SYN3: variants seen among roughly 807,000 people sequenced by gnomAD.
The protein encoded by SYN3 is synapsin III.
A neutral mutation model predicts 65.8 loss-of-function variants in SYN3; 35 were observed. That is an observed-to-expected ratio of 0.53 (90% CI 0.41 to 0.70). SYN3 has a LOEUF of 0.70. SYN3 is among the 30% of genes least tolerant of loss of function. SYN3 has a pLI of 0.00. For missense variants in SYN3, 680 were observed against 749.0 expected (o/e 0.91, Z 1.08); for synonymous variants, 270 against 292.9 (o/e 0.92, Z 0.80).
Position 32,692,676 on chromosome 22 carries a change from C to T in SYN3, c.712-95940G>A, listed in dbSNP as rs868286960. ...TTTAAAGTTCAGCTCATGTGTCACT[C>T]GCTCTTCTGAAGCCTTTTCTAGCTT... On this transcript the variant is annotated intron_variant, in intron 6 of 13. Coordinates refer to ENST00000358763, the MANE Select transcript of SYN3 (RefSeq NM_003490.4). 9.3e-3 allele frequency among the ~76,000 whole-genome samples: 1,416 copies of T among 152,232 alleles called. 25 individuals carry two copies. The highest frequency in any genetic ancestry group is 0.033 in the African/African-American group (1,355 of 41,522).
chr22:32,921,621 A>C lies in SYN3; in HGVS notation c.461+9769T>G, dbSNP rs76843810. ...AATCCAAGTGGTGCTACTTTCTAAAAGTGTGATCTGGGGCAATGAAATCAA... is the reference window on the plus strand; with the variant it reads ...AATCCAAGTGGTGCTACTTTCTAAACGTGTGATCTGGGGCAATGAAATCAA... On this transcript the variant is annotated intron_variant, in intron 4 of 13. Coordinates refer to ENST00000358763, the MANE Select transcript of SYN3 (RefSeq NM_003490.4). Among the ~76,000 whole-genome samples the C allele has an allele frequency of 8.0e-3, 1,219 of 152,292 alleles. 6 individuals are homozygous for C. Among genetic ancestry groups the C allele is most frequent in the East Asian group, 0.025 (128 of 5,184 alleles).
intron 3 of SYN3, among the ~76,000 whole-genome samples, chr22:32,953,712 G>A (rs1358354678): frequency 1.3e-5 from 2 of 152,044 alleles, no homozygotes; most frequent in Non-Finnish European, 2.9e-5. Flanking sequence ...CAAGGGTTTA[G>A]GATTTTATTC....
At chr22:32,686,219 G>A (rs1374112347) in intron 6 of SYN3, among the ~76,000 whole-genome samples, 1 of 152,036 alleles carries the variant, frequency 6.6e-6, no homozygotes, top group Admixed American at 6.6e-5. Flanking sequence ...ATAGAAAAAG[G>A]GTATTATCCT....
chr22:32,914,288 A>T (rs2050132740), intron 4 of SYN3, among the ~76,000 whole-genome samples: 1 of 152,164 alleles, frequency 6.6e-6, no homozygotes. Flanking sequence ...ATGGTGTAGA[A>T]GTTAAGAGCA....
intron 1 of SYN3, chr22:33,014,857 A>T (rs919104564): frequency 4.3e-5 from 7 of 162,500 alleles, no homozygotes; most frequent in African/African-American, 1.7e-4. Flanking sequence ...CGTGCCGGAA[A>T]GTGCGTGAGT....
intron 3 of SYN3, among the ~76,000 whole-genome samples, chr22:32,940,345 T>C (rs1258730708): frequency 6.6e-6 from 1 of 152,088 alleles, no homozygotes; most frequent in Non-Finnish European, 1.5e-5. Context: ...ACGAAGAATA[T>C]ATTTATGCAC....
At chr22:32,604,020 G>A (rs1343915561) in intron 6 of SYN3, among the ~76,000 whole-genome samples, 1 of 152,196 alleles carries the variant, frequency 6.6e-6, no homozygotes, top group Non-Finnish European at 1.5e-5. Flanking sequence ...TGTTCCCTTG[G>A]GAGGATTAGA....
chr22:32,819,282 G>A (rs1462115188), intron 6 of SYN3, among the ~76,000 whole-genome samples: 2 of 152,250 alleles, frequency 1.3e-5, no homozygotes, highest in East Asian at 3.9e-4. Context: ...CCAAAGGTCT[G>A]GAAAGAGGCT....
In SYN3 at chr22:32,592,963, A is replaced by G. The variant is rs866604413; in HGVS notation, c.774+3711T>C. Reference sequence around the variant, plus strand: ...ATTGCATCCATGGGGGCCTGGGTAGATTTCAAGCAACACTGAGCTCATTGA... The same window carrying G: ...ATTGCATCCATGGGGGCCTGGGTAGGTTTCAAGCAACACTGAGCTCATTGA... On this transcript the variant is annotated intron_variant, in intron 7 of 13. Transcript: ENST00000358763. Among the ~76,000 whole-genome samples, 22 of 152,302 alleles carry G rather than the reference A, an allele frequency of 1.4e-4. No individual in the cohort carries two copies. The Middle Eastern group carries it at 0.014, about 95-fold the overall frequency.
intron 6 of SYN3, among the ~76,000 whole-genome samples, chr22:32,812,700 G>T (rs1304647038): frequency 6.6e-6 from 1 of 152,248 alleles, no homozygotes; most frequent in Non-Finnish European, 1.5e-5. Context: ...TCTCATGGAA[G>T]TCTGGCTCAG....
At chr22:32,956,061 T>TATATATATATATATATAA (rs1263294092) in intron 3 of SYN3, among the ~76,000 whole-genome samples, 1 of 142,916 alleles carries the variant, frequency 7.0e-6, no homozygotes, top group Non-Finnish European at 1.5e-5. Context: ...TATATATATA[T>TATATATATATATATATAA]AAAATCTCCT....
chr22:32,832,493 GC>G (rs940521019), intron 6 of SYN3, among the ~76,000 whole-genome samples: 2 of 150,664 alleles, frequency 1.3e-5, no homozygotes, highest in African/African-American at 4.9e-5. Context: ...CCAATTCCTG[GC>G]CCAGGGCTCT....
At chr22:32,581,670 G>C (rs968147772) in intron 7 of SYN3, among the ~76,000 whole-genome samples, 52 of 152,152 alleles carry the variant, frequency 3.4e-4, no homozygotes, top group African/African-American at 1.0e-3. Context: ...GACGTATACA[G>C]TGTTTCAAAA....
At chr22:32,633,984 C>A (rs8139704) in intron 6 of SYN3, among the ~76,000 whole-genome samples, 29,032 of 151,908 alleles carry the variant, frequency 0.19, 6,205 homozygotes, top group African/African-American at 0.53. Context: ...TAGAAATGGA[C>A]AGCCTACTTA....
At chr22:32,780,240 G>A (rs894011025) in intron 6 of SYN3, among the ~76,000 whole-genome samples, 2 of 152,106 alleles carry the variant, frequency 1.3e-5, no homozygotes, top group Non-Finnish European at 2.9e-5. Context: ...GTGCTTTGCT[G>A]AACTGTGCTG....
At chr22:32,550,150 GAGA>G (rs2146292745) in intron 7 of SYN3, among the ~76,000 whole-genome samples, 1 of 152,250 alleles carries the variant, frequency 6.6e-6, no homozygotes, top group South Asian at 2.1e-4. Flanking sequence ...TAAACTTACA[GAGA>G]AGAATTATTT....
At chr22:32,848,440 T>C (rs1400639211) in intron 6 of SYN3, among the ~76,000 whole-genome samples, 1 of 152,212 alleles carries the variant, frequency 6.6e-6, no homozygotes, top group African/African-American at 2.4e-5. Context: ...TGTTACCTTA[T>C]CTAGATCATG....
At chr22:32,665,767 C>T (rs997705398) in intron 6 of SYN3, among the ~76,000 whole-genome samples, 2 of 152,034 alleles carry the variant, frequency 1.3e-5, no homozygotes, top group Non-Finnish European at 1.5e-5. Flanking sequence ...AGCTCTCAGA[C>T]CTTTTCTCTT....
chr22:32,604,801 C>G (rs570073503), intron 6 of SYN3, among the ~76,000 whole-genome samples: 3 of 151,980 alleles, frequency 2.0e-5, no homozygotes, highest in South Asian at 4.2e-4. Flanking sequence ...GTCAGGAGAT[C>G]GAGACCATCC....
Sources: allele counts gnomAD v4.1 joint callset (sites outside exome capture counted in the v4.1 genomes callset), GRCh38; gene constraint gnomAD v4.1.1; transcripts MANE v1.5; gene names NCBI Gene and HGNC (gene_info 2026-07-23, HGNC 2026-07-21).